Variants in DCC observed in about 807,000 individuals in gnomAD.
The protein encoded by DCC is DCC netrin 1 receptor.
A neutral mutation model predicts 172.5 loss-of-function variants in DCC; 58 were observed. That is an observed-to-expected ratio of 0.34 (90% CI 0.27 to 0.42). The LOEUF is 0.42. DCC is among the 10% of genes least tolerant of loss of function. DCC has a pLI of 1.00. For synonymous variants in DCC, 709 were observed against 644.5 expected (o/e 1.10, Z -1.52); for missense variants, 1,740 against 1,791.0 (o/e 0.97, Z 0.51).
Position 53,125,975 on chromosome 18 carries a change from G to C in DCC, c.1262-31381G>C, listed in dbSNP as rs374175968. 4.6e-5 allele frequency among the ~76,000 whole-genome samples: 7 copies of C among 152,112 alleles called. No individual in the cohort carries two copies. The East Asian group carries it at 7.8e-4, about 17-fold the overall frequency. Reference sequence around the variant, plus strand: ...TGAACAAGTAACTGCAAGTTATTGAGTGTATACAAGGAGAGGTTGCGTGAG... The same window carrying C: ...TGAACAAGTAACTGCAAGTTATTGACTGTATACAAGGAGAGGTTGCGTGAG... On this transcript the variant is annotated intron_variant, in intron 7 of 28. Coordinates refer to ENST00000442544, the MANE Select transcript of DCC (RefSeq NM_005215.4).
intron 2 of DCC, among the ~76,000 whole-genome samples, chr18:52,829,239 C>T (rs2038567551): frequency 6.6e-6 from 1 of 152,202 alleles, no homozygotes; most frequent in Non-Finnish European, 1.5e-5. Flanking sequence ...TTAGTGAAGG[C>T]TGATGCTCAG....
intron 1 of DCC, among the ~76,000 whole-genome samples, chr18:52,512,694 G>A (rs2031486027): frequency 6.6e-6 from 1 of 152,120 alleles, no homozygotes; most frequent in Non-Finnish European, 1.5e-5. Context: ...ACATCTTAGT[G>A]AAGGATACAG....
chr18:53,285,092 C>A (rs1435516405), intron 12 of DCC, among the ~76,000 whole-genome samples: 1 of 152,072 alleles, frequency 6.6e-6, no homozygotes, highest in Non-Finnish European at 1.5e-5. Flanking sequence ...GGAAAATTTG[C>A]AGCCTGACAA....
chr18:52,700,274 A>G (rs937118634), intron 1 of DCC, among the ~76,000 whole-genome samples: 3 of 82,326 alleles, frequency 3.6e-5, no homozygotes, highest in Non-Finnish European at 7.9e-5. Flanking sequence ...ACTCTTGTGC[A>G]CACATGCACA....
chr18:53,180,030 A>C (rs185975918), intron 9 of DCC, among the ~76,000 whole-genome samples: 1 of 152,352 alleles, frequency 6.6e-6, no homozygotes, highest in East Asian at 1.9e-4. Context: ...GTAAAGAGGT[A>C]TATCAAAATC....
intron 2 of DCC, among the ~76,000 whole-genome samples, chr18:52,819,261 T>C (rs1303664456): frequency 6.6e-6 from 1 of 152,162 alleles, no homozygotes; most frequent in Non-Finnish European, 1.5e-5. Context: ...GGTTCTAAAA[T>C]ATGCTTTCAC....
chr18:52,854,429 AAATG>A (rs2039020894), intron 2 of DCC, among the ~76,000 whole-genome samples: 1 of 152,226 alleles, frequency 6.6e-6, no homozygotes, highest in Non-Finnish European at 1.5e-5. Context: ...GAAAAATTCT[AAATG>A]AAGAGTAAAC....
chr18:53,199,032 A>G (rs1218030712), intron 9 of DCC, among the ~76,000 whole-genome samples: 4 of 151,438 alleles, frequency 2.6e-5, no homozygotes, highest in South Asian at 2.1e-4. Flanking sequence ...TGTTAACGGT[A>G]TTGATTTCAC....
intron 2 of DCC, among the ~76,000 whole-genome samples, chr18:52,802,109 G>A (rs1278195195): frequency 1.3e-5 from 2 of 151,494 alleles, no homozygotes; most frequent in Non-Finnish European, 2.9e-5. Context: ...TAGTACTATA[G>A]CATGGCAATA....
chr18:52,563,728 A>G (rs1283023905), intron 1 of DCC, among the ~76,000 whole-genome samples: 1 of 152,182 alleles, frequency 6.6e-6, no homozygotes, highest in African/African-American at 2.4e-5. Flanking sequence ...CCCTGGAACT[A>G]TATAGAACCC....
At chr18:53,094,126 TAC>T (rs2043051083) in intron 7 of DCC, among the ~76,000 whole-genome samples, 1 of 152,198 alleles carries the variant, frequency 6.6e-6, no homozygotes, top group African/African-American at 2.4e-5. Context: ...TGGTAATATT[TAC>T]AGACTTTTCC....
At chr18:53,184,840 A>G (rs1028349188) in intron 9 of DCC, among the ~76,000 whole-genome samples, 3 of 152,156 alleles carry the variant, frequency 2.0e-5, no homozygotes, top group Non-Finnish European at 4.4e-5. Flanking sequence ...AATATCAGTT[A>G]TATTTATTAA....
intron 8 of DCC, among the ~76,000 whole-genome samples, chr18:53,178,000 A>G (rs528308527): frequency 4.6e-5 from 7 of 152,348 alleles, no homozygotes; most frequent in African/African-American, 1.7e-4. Flanking sequence ...CTGAATGGCA[A>G]AATTAAAGTG....
At chr18:52,610,182 T>C (rs1411694510) in intron 1 of DCC, among the ~76,000 whole-genome samples, 1 of 8,942 alleles carries the variant, frequency 1.1e-4, no homozygotes, top group African/African-American at 5.3e-4. Context: ...AAAAAAAATA[T>C]ATATATATAT....
At chr18:52,951,847 C>A (rs1312961165) in intron 5 of DCC, among the ~76,000 whole-genome samples, 2 of 152,156 alleles carry the variant, frequency 1.3e-5, no homozygotes, top group African/African-American at 4.8e-5. Context: ...GTTATTATTA[C>A]TAATAGTTGG....
Position 53,478,651 on chromosome 18 carries a change from C to T in DCC, c.3737-8146C>T, listed in dbSNP as rs117095597. ...ACACTGAAGCAAAGGAAGTTATACA[C>T]TTTGCCATGGTAATGGCTACTGGTT... On this transcript the variant is annotated intron_variant, in intron 25 of 28. Transcript: ENST00000442544. 4.1e-3 allele frequency among the ~76,000 whole-genome samples: 624 copies of T among 152,324 alleles called. 2 individuals carry two copies. Among genetic ancestry groups the T allele is most frequent in the Middle Eastern group, 0.017 (5 of 294 alleles).
At chr18:53,456,517 T>A (rs1318242246) in intron 23 of DCC, among the ~76,000 whole-genome samples, 3 of 152,202 alleles carry the variant, frequency 2.0e-5, no homozygotes, top group African/African-American at 7.2e-5. Flanking sequence ...ATAGAAAAAC[T>A]AGCTTTAAAA....
intron 11 of DCC, 35 bp from the exon 12 acceptor site, chr18:53,215,513 G>T: frequency 6.3e-7 from 1 of 1,580,958 alleles, no homozygotes; most frequent in Non-Finnish European, 8.7e-7. Flanking sequence ...CAAGATTTTG[G>T]CAGTAACTGT....
intron 27 of DCC, among the ~76,000 whole-genome samples, chr18:53,523,463 G>A (rs996306606): frequency 6.6e-6 from 1 of 152,148 alleles, no homozygotes; most frequent in Non-Finnish European, 1.5e-5. Flanking sequence ...GCACACGTAT[G>A]TTTACTGTAG....
Sources: gnomAD v4.1 joint callset for allele counts (sites outside exome capture counted in the v4.1 genomes callset) on GRCh38, gnomAD v4.1.1 for gene constraint, MANE v1.5 for transcripts, NCBI Gene and HGNC (gene_info 2026-07-23, HGNC 2026-07-21) for gene names.